The following KIF26B variants were observed in gnomAD, a reference collection of about 807,000 sequenced individuals.
KIF26B encodes kinesin family member 26B.
Under a neutral mutation model 151.2 loss-of-function variants are expected in KIF26B, and 63 were observed. That is an observed-to-expected ratio of 0.42 (90% CI 0.34 to 0.51). The LOEUF is 0.51. KIF26B is among the 20% of genes least tolerant of loss of function. The probability of loss-of-function intolerance (pLI) is 0.07; values close to 1 mark genes in which losing one functional copy is unlikely to be tolerated. For missense variants in KIF26B, 2,813 were observed against 2,913.6 expected, an observed-to-expected ratio of 0.97 and a Z score of 0.79; for synonymous variants, 1,357 against 1,262.1, an observed-to-expected ratio of 1.08 and a Z score of -1.59.
chr1:245,350,351 C>T (rs1672540787), intron 2 of KIF26B, among the ~76,000 whole-genome samples: 1 of 152,158 alleles, frequency 6.6e-6, no homozygotes, highest in South Asian at 2.1e-4. Flanking sequence ...AAGGACTCAC[C>T]AAGCGGCAGG....
Position 245,464,600 on chromosome 1 carries a change from CTGTGCG to C in KIF26B, c.1166+44860_1166+44865del, listed in dbSNP as rs555806508. On this transcript the variant is annotated intron_variant, in intron 4 of 14. Transcript: ENST00000407071. The stretch of plus-strand genomic sequence containing the variant: ...GTGTGTGCACGTGTGTGGGTGTGTG[CTGTGCG>C]TGTGGGTGTGTGGGTGTGTGCATGT... Among the ~76,000 whole-genome samples, 106 of 97,784 alleles carry C rather than the reference CTGTGCG, an allele frequency of 1.1e-3. 1 individual carries two copies. Among genetic ancestry groups the C allele is most frequent in the African/African-American group, 4.2e-3 (101 of 24,122 alleles). 64.2% of individuals were successfully genotyped at this position (97,784 alleles called of 152,430 possible). A position where few individuals can be genotyped will look rare whatever the true frequency, so the allele number is the denominator to read the frequency against.
intron 10 of KIF26B, among the ~76,000 whole-genome samples, chr1:245,666,768 C>A (rs75364448): frequency 0.053 from 8,029 of 151,990 alleles, 658 homozygotes; most frequent in African/African-American, 0.17. Context: ...AAGGGTTATC[C>A]GCCCTTTTAA....
At chr1:245,371,510 C>G (rs1054849392) in intron 3 of KIF26B, 2 of 152,130 alleles carry the variant, frequency 1.3e-5, no homozygotes, top group Non-Finnish European at 2.9e-5. Flanking sequence ...GCTCCACACC[C>G]GCGGGACCCG....
chr1:245,200,492 T>A (rs2103537764), intron 2 of KIF26B, among the ~76,000 whole-genome samples: 1 of 152,358 alleles, frequency 6.6e-6, no homozygotes, highest in East Asian at 1.9e-4. Flanking sequence ...CCCAAGAGAA[T>A]GTGTCAATAT....
At chr1:245,411,798 A>AT (rs909118919) in intron 3 of KIF26B, among the ~76,000 whole-genome samples, 108 of 151,818 alleles carry the variant, frequency 7.1e-4, no homozygotes, top group African/African-American at 2.5e-3. Flanking sequence ...AAGGGACATA[A>AT]TTTTTTTTTC....
At chr1:245,644,030 C>T (rs891502934) in intron 9 of KIF26B, among the ~76,000 whole-genome samples, 2 of 152,068 alleles carry the variant, frequency 1.3e-5, no homozygotes, top group Non-Finnish European at 2.9e-5. Flanking sequence ...GGGTTTATGA[C>T]TTTCATTAAA....
intron 2 of KIF26B, among the ~76,000 whole-genome samples, chr1:245,183,068 A>G (rs563730967): frequency 6.6e-6 from 1 of 152,374 alleles, no homozygotes; most frequent in South Asian, 2.1e-4. Context: ...CCGATGAGGT[A>G]TAGCATCTTT....
chr1:245,174,503 T>TGTAC (rs10666741), intron 2 of KIF26B, among the ~76,000 whole-genome samples: 10 of 150,242 alleles, frequency 6.7e-5, no homozygotes, highest in East Asian at 3.9e-4. Flanking sequence ...TATGTACTTA[T>TGTAC]TTATTTATTT....
In KIF26B at chr1:245,601,271, G is replaced by T. The variant is rs975473015; in HGVS notation, c.1351-1306G>T. On this transcript the variant is annotated intron_variant, in intron 5 of 14. Coordinates refer to ENST00000407071, the MANE Select transcript of KIF26B (RefSeq NM_018012.4). The surrounding 1 kb of genome is among the most constrained non-coding windows in gnomAD (Gnocchi z 4.4). Reference sequence around the variant, plus strand: ...CGGGGACACGGTGCAGGACACCTGCGGACCCAGTGCCCTTGGGATTCTTTA... The same window carrying T: ...CGGGGACACGGTGCAGGACACCTGCTGACCCAGTGCCCTTGGGATTCTTTA... Among the ~76,000 whole-genome samples the T allele has an allele frequency of 1.3e-5, 2 of 152,188 alleles. No individual in the cohort carries two copies. Among genetic ancestry groups the T allele is most frequent in the African/African-American group, 4.8e-5 (2 of 41,454 alleles).
In KIF26B at chr1:245,268,797, C is replaced by T. The variant is rs537332752; in HGVS notation, c.466-98037C>T. Among the ~76,000 whole-genome samples the T allele has an allele frequency of 3.6e-3, 542 of 152,246 alleles. 4 individuals are homozygous for T. The highest frequency in any genetic ancestry group is 5.6e-3 in the Non-Finnish European group (381 of 68,014). On this transcript the variant is annotated intron_variant, in intron 2 of 14. Transcript: ENST00000407071. ...TACTGTATAATAATTCTAAATCTTT[C>T]TGAGCCAACATTAAGGTGACCAAAC... is the stretch of plus-strand genomic sequence containing the variant.
rs375060874 is a variant in KIF26B at position 245,686,203 on chromosome 1, T to G, written c.3220T>G (p.Ser1074Ala). 4.4e-5 allele frequency: 71 copies of G among 1,612,432 alleles called. No homozygotes were observed. The highest frequency in any genetic ancestry group is 5.4e-5 in the Non-Finnish European group (64 of 1,179,878). Residue 1074 changes from serine (S) to alanine (A), a missense_variant, in exon 12 of 15, where the codon TCC becomes GCC. Physicochemically the swap from Ser to Ala is moderately conservative, Grantham distance 99 (BLOSUM62 1). Around this residue, in one of 3 missense-constraint regions of KIF26B, gnomAD observed 2,060 missense variants for 2,088.6 expected, o/e 0.99. Coordinates refer to ENST00000407071, the MANE Select transcript of KIF26B (RefSeq NM_018012.4). The surrounding 1 kb of genome is among the most constrained non-coding windows in gnomAD (Gnocchi z 5.6). ...CCCCCGGCTGGGCATCGCCAGCCTGTCCAAGACCTCGGAGTACAAGCCACC... is the reference window on the plus strand; with the variant it reads ...CCCCCGGCTGGGCATCGCCAGCCTGGCCAAGACCTCGGAGTACAAGCCACC... ...GSPRLGIASL[S>A]KTSEYKPPSS...
At position 245,472,552 on chromosome 1, in the gene KIF26B, G is replaced by A. The variant is rs547059706; in HGVS notation, c.1166+52807G>A. Among the ~76,000 whole-genome samples, 6 of 152,302 alleles carry A rather than the reference G, an allele frequency of 3.9e-5. No individual in the cohort carries two copies. The East Asian group carries it at 7.7e-4, about 20-fold the overall frequency. ...CATTCTCTTTGAGCATCATGCTGGT[G>A]CTTAAAAAGTTTTGGATTCTGGAGC... On this transcript the variant is annotated intron_variant, in intron 4 of 14. Transcript: ENST00000407071.
chr1:245,213,440 G>A (rs1357310999), intron 2 of KIF26B, among the ~76,000 whole-genome samples: 2 of 152,232 alleles, frequency 1.3e-5, no homozygotes, highest in Non-Finnish European at 2.9e-5. Context: ...CTCTTTCTGA[G>A]AAGAGGGATC....
At chr1:245,484,281 T>A (rs1419228501) in intron 4 of KIF26B, among the ~76,000 whole-genome samples, 1 of 151,884 alleles carries the variant, frequency 6.6e-6, no homozygotes, top group Non-Finnish European at 1.5e-5. Flanking sequence ...GCTAATGAAA[T>A]GTCCCACCAT....
At chr1:245,354,588 A>G (rs1672642152) in intron 2 of KIF26B, among the ~76,000 whole-genome samples, 3 of 152,246 alleles carry the variant, frequency 2.0e-5, no homozygotes, top group Non-Finnish European at 4.4e-5. Context: ...CCAGGCGGTC[A>G]GGATCTGCAT....
rs570386913 is a variant in KIF26B, at chr1:245,512,878, G to T, written c.1167-27889G>T. Reference sequence around the variant, plus strand: ...AAACCTAGAGCAAAAATCATGCCGGGGAAAGGAAAATCATTAAAAAACAAT... The same window carrying T: ...AAACCTAGAGCAAAAATCATGCCGGTGAAAGGAAAATCATTAAAAAACAAT... On this transcript the variant is annotated intron_variant, in intron 4 of 14. Transcript: ENST00000407071. The surrounding 1 kb of genome is among the most constrained non-coding windows in gnomAD (Gnocchi z 4.3). 9.9e-5 allele frequency among the ~76,000 whole-genome samples: 15 copies of T among 152,048 alleles called. No homozygotes were observed. Among genetic ancestry groups the T allele is most frequent in the African/African-American group, 3.6e-4 (15 of 41,488 alleles).
In KIF26B at chr1:245,686,020, C is replaced by A; in HGVS notation, c.3037C>A (p.Pro1013Thr). The change falls in exon 12 of 15, where the codon CCC (proline) becomes ACC (threonine). Residue 1013 changes from proline to threonine, a missense_variant. Physicochemically the swap from Pro to Thr is conservative, Grantham distance 38. This residue lies in a region of KIF26B where 2,060 missense variants were observed against 2,088.6 expected (regional missense o/e 0.99). Transcript: ENST00000407071. This position sits in a 1 kb window ranked among gnomAD's most constrained non-coding sequence, Gnocchi z 5.6. Reference sequence around the variant, plus strand: ...TCACTCACCTGTGCCCGCCGCGGCACCCGCCCACAGCCCCAGCCCGGCCTC... The same window carrying A: ...TCACTCACCTGTGCCCGCCGCGGCAACCGCCCACAGCCCCAGCCCGGCCTC... ...RSHSPVPAAA[P>T]AHSPSPASPR... 1.3e-6 allele frequency: 2 copies of A among 1,593,464 alleles called. No homozygotes were observed. Among genetic ancestry groups the A allele is most frequent in the Non-Finnish European group, 1.7e-6 (2 of 1,170,946 alleles).
chr1:245,229,793 A>G (rs1394704533), intron 2 of KIF26B, among the ~76,000 whole-genome samples: 1 of 152,214 alleles, frequency 6.6e-6, no homozygotes, highest in African/African-American at 2.4e-5. Context: ...AAATTTCTTT[A>G]TTCATTCTCC....
intron 4 of KIF26B, among the ~76,000 whole-genome samples, chr1:245,478,914 G>A (rs539282596): frequency 1.3e-4 from 20 of 151,890 alleles, no homozygotes; most frequent in African/African-American, 4.3e-4. Flanking sequence ...TAAAATTCTT[G>A]ATTACTGTGA....
Sources: gnomAD v4.1 joint callset for allele counts (sites outside exome capture counted in the v4.1 genomes callset) on GRCh38, gnomAD v4.1.1 for gene constraint, gnomAD v4.1.1 regional missense constraint, Gnocchi (gnomAD v3.1) non-coding constraint, MANE v1.5 for transcripts, NCBI Gene and HGNC (gene_info 2026-07-23, HGNC 2026-07-21) for gene names.